Variants in RABGAP1 observed in about 807,000 individuals in gnomAD.
RABGAP1 encodes the protein RAB GTPase activating protein 1, also known as rab GTPase-activating protein 1.
In RABGAP1, 23 loss-of-function variants were observed where a neutral mutation model predicts 137.6. The observed-to-expected ratio is 0.17, with a 90% CI of 0.12 to 0.24. The LOEUF (loss-of-function observed/expected upper bound fraction) is 0.24, where lower values mean the gene tolerates loss of function less well. RABGAP1 is among the 10% of genes least tolerant of loss of function. The pLI is 1.00. For synonymous variants in RABGAP1, 451 were observed against 450.7 expected, an observed-to-expected ratio of 1.00 and a Z score of -0.01; for missense variants, 906 against 1,275.8, an observed-to-expected ratio of 0.71 and a Z score of 4.42.
At chr9:122,996,993 GA>G in intron 8 of RABGAP1, 1 of 573,754 alleles carries the variant, frequency 1.7e-6, no homozygotes. Flanking sequence ...TAATTCACAT[GA>G]AAGAAGAATT....
intron 1 of RABGAP1, among the ~76,000 whole-genome samples, chr9:122,948,442 A>G (rs2131593182): frequency 6.6e-6 from 1 of 152,330 alleles, no homozygotes; most frequent in Middle Eastern, 3.4e-3. Context: ...AGCCTGCCCA[A>G]GCCTTAGTTT....
chr9:123,029,400 G>A, intron 13 of RABGAP1: 3 of 1,463,226 alleles, frequency 2.1e-6, no homozygotes, highest in East Asian at 2.3e-5. Context: ...CCAGCAGCTG[G>A]AGCATCTCTG....
chr9:122,981,078 C>T (rs1441270733), intron 2 of RABGAP1, among the ~76,000 whole-genome samples: 1 of 152,052 alleles, frequency 6.6e-6, no homozygotes, highest in Non-Finnish European at 1.5e-5. Context: ...CATTCTGTCA[C>T]CCAGGCTGGA....
At chr9:122,934,930 G>C in the RABGAP1 span, among the ~76,000 whole-genome samples, 3 of 152,164 alleles carry the variant, frequency 2.0e-5, no homozygotes, top group African/African-American at 7.2e-5. Context: ...CTTTAGATTG[G>C]AGAGTTTAAC....
chr9:123,051,361 C>G lies in RABGAP1; in HGVS notation c.1795-13987C>G, dbSNP rs1326673819. On this transcript the variant is annotated intron_variant, in intron 13 of 25. Coordinates refer to ENST00000373647, the MANE Select transcript of RABGAP1 (RefSeq NM_012197.4). The stretch of plus-strand genomic sequence containing the variant: ...CTCCCAGGTTTAAGGGCTTCTCCTG[C>G]CTCAGCCTTCTGAGTTGCTGGGATT... Among the ~76,000 whole-genome samples the G allele has an allele frequency of 6.0e-5, 9 of 150,606 alleles. No homozygotes were observed. In the Admixed American group the frequency reaches 6.0e-4, roughly 10 times the overall value.
Position 122,989,301 on chromosome 9 carries a change from T to A in RABGAP1, c.595T>A (p.Leu199Ile). ...TGTATCTTTTTCTCTGAACAGACTC[T>A]TAGATCCTCAGACAAACACTGAAAT... Reference protein sequence around the residue: ...PNVSEGIVRLLDPQTNTEIAN... With the variant: ...PNVSEGIVRLIDPQTNTEIAN... The change falls in exon 5 of 26, where the codon TTA becomes ATA. Residue 199 changes from leucine (L) to isoleucine (I), a missense_variant. By Grantham distance (5) the Leu-to-Ile change is conservative (BLOSUM62 2). Around this residue, in one of 9 missense-constraint regions of RABGAP1, gnomAD observed 331 missense variants for 358.3 expected, o/e 0.92. Coordinates refer to ENST00000373647, the MANE Select transcript of RABGAP1 (RefSeq NM_012197.4). 1 of 1,612,114 alleles carries A rather than the reference T, an allele frequency of 6.2e-7. No homozygotes were observed.
At chr9:122,998,507 TAATAA>T in intron 9 of RABGAP1, 85 bp from the exon 10 acceptor site, 1 of 1,104,410 alleles carries the variant, frequency 9.1e-7, no homozygotes, top group South Asian at 2.0e-5. Flanking sequence ...TGAAAGTTTA[TAATAA>T]AAGTAATAGC....
intron 2 of RABGAP1, among the ~76,000 whole-genome samples, chr9:122,957,431 A>C (rs895732509): frequency 6.6e-6 from 1 of 152,236 alleles, no homozygotes; most frequent in Non-Finnish European, 1.5e-5. Flanking sequence ...CCTAAGTGTC[A>C]AAACTAGTGG....
At chr9:122,972,298 A>C (rs1309236257) in intron 2 of RABGAP1, among the ~76,000 whole-genome samples, 1 of 152,014 alleles carries the variant, frequency 6.6e-6, no homozygotes, top group Non-Finnish European at 1.5e-5. Flanking sequence ...TAAGAAAAAA[A>C]CTCCAAATTA....
intron 10 of RABGAP1, among the ~76,000 whole-genome samples, chr9:123,006,874 A>G (rs1011878875): frequency 6.6e-6 from 1 of 151,866 alleles, no homozygotes; most frequent in African/African-American, 2.4e-5. Context: ...CTCCTAAACT[A>G]CTGGGATTAC....
the RABGAP1 span, among the ~76,000 whole-genome samples, chr9:122,933,573 C>T: frequency 2.0e-5 from 3 of 151,856 alleles, no homozygotes; most frequent in Admixed American, 2.0e-4. Context: ...CCTGCCTCAG[C>T]TCTGGAGTAG....
chr9:123,020,332 C>T lies in RABGAP1; in HGVS notation c.1667C>T (p.Pro556Leu). Reference protein sequence around the residue: ...SKWHLNLNVRPKQLSSLVRNG... With the variant: ...SKWHLNLNVRLKQLSSLVRNG... ...AGGCATCTCAACTTGAATGTGAGAC[C>T]GAAGCAGTTGTCATCCTTAGTAAGA... The change falls in exon 13 of 26, where the codon CCG becomes CTG. Residue 556 changes from proline to leucine, a missense_variant. Transcript: ENST00000373647. 6.3e-7 allele frequency: 1 copy of T among 1,582,490 alleles called. No homozygotes were observed. Among genetic ancestry groups the T allele is most frequent in the Non-Finnish European group, 8.6e-7 (1 of 1,162,590 alleles).
At chr9:122,956,783 T>C (rs116468551) in intron 1 of RABGAP1, among the ~76,000 whole-genome samples, 290 of 152,270 alleles carry the variant, frequency 1.9e-3, no homozygotes, top group African/African-American at 6.2e-3. Context: ...GAAGGGAATA[T>C]GTTTTATTTA....
chr9:123,082,763 A>G (rs1359251571), intron 19 of RABGAP1, among the ~76,000 whole-genome samples: 1 of 152,258 alleles, frequency 6.6e-6, no homozygotes, highest in Non-Finnish European at 1.5e-5. Flanking sequence ...AAGAAAAGAT[A>G]CTAGTACAAA....
intron 21 of RABGAP1, among the ~76,000 whole-genome samples, chr9:123,095,735 A>G (rs1222718109): frequency 6.6e-6 from 1 of 151,912 alleles, no homozygotes; most frequent in Non-Finnish European, 1.5e-5. Flanking sequence ...AGAAATCTCC[A>G]TGTAAGCACT....
intron 19 of RABGAP1, 130 bp downstream of exon 19, chr9:123,076,892 T>G (rs2034527392): frequency 4.0e-6 from 2 of 500,596 alleles, no homozygotes; most frequent in African/African-American, 4.1e-5. Flanking sequence ...TGTTAACATT[T>G]ATAATATATA....
chr9:123,017,821 A>AT (rs2031343613), intron 12 of RABGAP1, among the ~76,000 whole-genome samples: 1 of 152,202 alleles, frequency 6.6e-6, no homozygotes, highest in Non-Finnish European at 1.5e-5. Flanking sequence ...CTTATAAAGT[A>AT]TTTGTTTTTT....
At chr9:123,005,501 T>G (rs371550396) in intron 10 of RABGAP1, among the ~76,000 whole-genome samples, 4 of 152,316 alleles carry the variant, frequency 2.6e-5, no homozygotes, top group East Asian at 3.9e-4. Flanking sequence ...AAATAAAAAT[T>G]AGCATACTCC....
intron 11 of RABGAP1, among the ~76,000 whole-genome samples, chr9:123,013,355 G>A (rs1410346580): frequency 1.3e-5 from 2 of 148,404 alleles, no homozygotes; most frequent in Non-Finnish European, 3.0e-5. Flanking sequence ...TTTTTGAGAT[G>A]GAGTCTCGCT....
Sources: allele counts gnomAD v4.1 joint callset (sites outside exome capture counted in the v4.1 genomes callset), GRCh38; gene constraint gnomAD v4.1.1; regional missense constraint gnomAD v4.1.1; transcripts MANE v1.5; gene names NCBI Gene and HGNC (gene_info 2026-07-23, HGNC 2026-07-21).